SMOC1: variants seen among roughly 807,000 people sequenced by gnomAD.
SMOC1 encodes SPARC-related modular calcium-binding protein 1.
In SMOC1, 22 loss-of-function variants were observed where a neutral mutation model predicts 56.3. That is an observed-to-expected ratio of 0.39 (90% confidence interval 0.28 to 0.56). SMOC1 has a LOEUF of 0.56. Ranked by LOEUF, SMOC1 falls within the 20% of genes least tolerant of loss-of-function variation. SMOC1 has a pLI of 0.61. For synonymous variants in SMOC1, 193 were observed against 215.0 expected (o/e 0.90, Z 0.89); for missense variants, 509 against 565.4 (o/e 0.90, Z 1.01).
At chr14:70,003,200 G>A (rs535342178) in intron 7 of SMOC1, among the ~76,000 whole-genome samples, 3 of 152,258 alleles carry the variant, frequency 2.0e-5, no homozygotes, top group Middle Eastern at 3.4e-3. Flanking sequence ...AGACTAGGTG[G>A]GTGTGAAGTA....
chr14:70,005,439 T>C (rs1306549068), intron 7 of SMOC1, among the ~76,000 whole-genome samples: 1 of 152,194 alleles, frequency 6.6e-6, no homozygotes, highest in Non-Finnish European at 1.5e-5. Context: ...CATGTTTGTC[T>C]GGTCCAACCT....
At chr14:69,942,034 G>A (rs1191380191) in intron 1 of SMOC1, among the ~76,000 whole-genome samples, 1 of 152,096 alleles carries the variant, frequency 6.6e-6, no homozygotes, top group East Asian at 1.9e-4. Flanking sequence ...CTTCCTCCCT[G>A]CCTCTCCTAT....
intron 11 of SMOC1, among the ~76,000 whole-genome samples, chr14:70,027,567 T>C (rs1266109068): frequency 6.6e-6 from 1 of 152,174 alleles, no homozygotes; most frequent in East Asian, 1.9e-4. Context: ...GGGTATACCA[T>C]GATCAGGCAC....
At chr14:69,962,679 C>A (rs547501378) in intron 3 of SMOC1, among the ~76,000 whole-genome samples, 1 of 151,990 alleles carries the variant, frequency 6.6e-6, no homozygotes, top group African/African-American at 2.4e-5. Flanking sequence ...TGGGCTCAAG[C>A]GATCCTCCCA....
chr14:69,984,855 TCAAA>T lies in SMOC1; in HGVS notation c.526+6915_526+6918del, dbSNP rs374247826. Among the ~76,000 whole-genome samples, 890 of 146,816 alleles carry T rather than the reference TCAAA, an allele frequency of 6.1e-3. 6 individuals carry two copies. The highest frequency in any genetic ancestry group is 0.018 in the African/African-American group (693 of 39,380). The stretch of plus-strand genomic sequence containing the variant: ...CTGGATGACAGAGCGAGACTCCATC[TCAAA>T]CAAACAAACAAACAAACAAACAAAA... On this transcript the variant is annotated intron_variant, in intron 5 of 11. Transcript: ENST00000361956.
At chr14:69,892,066 T>C (rs1015312570) in intron 1 of SMOC1, among the ~76,000 whole-genome samples, 21 of 152,258 alleles carry the variant, frequency 1.4e-4, no homozygotes, top group African/African-American at 4.8e-4. Flanking sequence ...AATGCCTGTC[T>C]CAGTATGTTA....
chr14:69,983,356 G>A (rs1884246882), intron 5 of SMOC1, among the ~76,000 whole-genome samples: 1 of 152,224 alleles, frequency 6.6e-6, no homozygotes, highest in African/African-American at 2.4e-5. Context: ...CTAAATGTCA[G>A]GCTTGTTATC....
intron 1 of SMOC1, among the ~76,000 whole-genome samples, chr14:69,933,391 C>T (rs1431645037): frequency 6.6e-6 from 1 of 151,876 alleles, no homozygotes; most frequent in Non-Finnish European, 1.5e-5. Context: ...GGTTAGTTAA[C>T]ACATGTACTG....
intron 6 of SMOC1, 24 bp downstream of exon 6, chr14:69,992,497 T>C: frequency 6.4e-7 from 1 of 1,552,668 alleles, no homozygotes; most frequent in Non-Finnish European, 8.9e-7. Context: ...TTACTTCTGA[T>C]GTTCATTCTC....
At chr14:69,965,621 T>C (rs61981767) in intron 3 of SMOC1, among the ~76,000 whole-genome samples, 10,031 of 152,156 alleles carry the variant, frequency 0.066, 396 homozygotes, top group Middle Eastern at 0.14. Flanking sequence ...CTTCCCATCC[T>C]GGAAAGTGGG....
At position 70,032,190 on chromosome 14, in the gene SMOC1, A is replaced by G. The variant is rs1208494739; in HGVS notation, c.*1932A>G. On this transcript the variant is annotated 3_prime_UTR_variant, in exon 12 of 12. Transcript: ENST00000361956. ...CCCCACTTTCAGGCCTGGAGGAAGC[A>G]TGCACACATGGAGACGGCGCCTGCC... The G allele has an allele frequency of 2.0e-5, 3 of 152,314 alleles. No individual in the cohort carries two copies. The highest frequency in any genetic ancestry group is 6.5e-5 in the Admixed American group (1 of 15,280). The allele number at this position is 152,314 out of a possible 1,614,324, so 9.4% of individuals were successfully genotyped here.
rs369741287 is a variant in SMOC1, at chr14:69,911,373, A to G, written c.99+31596A>G. 3.2e-4 allele frequency among the ~76,000 whole-genome samples: 49 copies of G among 152,354 alleles called. No homozygotes were observed. The Middle Eastern group carries it at 0.01, about 32-fold the overall frequency. ...TTTCAAAGTTTATTTCAAAATTAAT[A>G]TACAGTAAATGCAACACAGTTTTTG... On this transcript the variant is annotated intron_variant, in intron 1 of 11. Transcript: ENST00000361956.
rs558174234 is a variant in SMOC1 at position 70,000,166 on chromosome 14, C to T, written c.664+5686C>T. ...TTTGTAAAGTGGCTTTGGAAGTAGA[C>T]GGGGTCTACATCTCATAAACACACT... On this transcript the variant is annotated intron_variant, in intron 7 of 11. Coordinates refer to ENST00000361956, the MANE Select transcript of SMOC1 (RefSeq NM_001034852.3). 7.9e-5 allele frequency among the ~76,000 whole-genome samples: 12 copies of T among 152,188 alleles called. No individual in the cohort carries two copies. In the East Asian group the frequency reaches 9.7e-4, roughly 12 times the overall value.
chr14:70,020,520 C>A (rs1003129644), intron 10 of SMOC1, among the ~76,000 whole-genome samples: 1 of 152,116 alleles, frequency 6.6e-6, no homozygotes, highest in Non-Finnish European at 1.5e-5. Flanking sequence ...GACCCTCGGG[C>A]CTCACAGGGC....
intron 1 of SMOC1, among the ~76,000 whole-genome samples, chr14:69,889,777 T>C (rs1293169729): frequency 6.6e-6 from 1 of 152,206 alleles, no homozygotes; most frequent in African/African-American, 2.4e-5. Flanking sequence ...GAATCTATTT[T>C]CTTGCCTTTT....
intron 1 of SMOC1, among the ~76,000 whole-genome samples, chr14:69,921,956 T>C (rs1181421408): frequency 6.6e-6 from 1 of 152,152 alleles, no homozygotes; most frequent in Non-Finnish European, 1.5e-5. Flanking sequence ...GATTTTGGGG[T>C]GCCTCACCTG....
At chr14:70,023,829 ATGTG>A (rs57688603) in intron 11 of SMOC1, among the ~76,000 whole-genome samples, 6,448 of 144,964 alleles carry the variant, frequency 0.044, 397 homozygotes, top group African/African-American at 0.14. Context: ...GAGTGTGTGT[ATGTG>A]TGTGTGTGTG....
intron 1 of SMOC1, among the ~76,000 whole-genome samples, chr14:69,944,143 G>T (rs1882689277): frequency 6.6e-6 from 1 of 152,144 alleles, no homozygotes. Context: ...CTGCCCTCAG[G>T]GAGCTTACAG....
At chr14:69,951,462 C>T (rs1466181479) in intron 1 of SMOC1, among the ~76,000 whole-genome samples, 2 of 152,176 alleles carry the variant, frequency 1.3e-5, no homozygotes, top group Non-Finnish European at 2.9e-5. Flanking sequence ...ATCTGCTTAA[C>T]TCAGCATTTT....
Sources: gnomAD v4.1 joint callset for allele counts (sites outside exome capture counted in the v4.1 genomes callset) on GRCh38, gnomAD v4.1.1 for gene constraint, MANE v1.5 for transcripts, NCBI Gene and HGNC (gene_info 2026-07-23, HGNC 2026-07-21) for gene names.